The following FAM53B variants were observed in gnomAD, a reference collection of about 807,000 sequenced individuals.
FAM53B encodes the protein protein FAM53B.
A neutral mutation model predicts 32.7 loss-of-function variants in FAM53B; 12 were observed. The ratio of observed to expected loss-of-function variants is 0.37; its 90% CI spans 0.24 to 0.59. FAM53B has a LOEUF of 0.59. Ranked by LOEUF, FAM53B falls within the 20% of genes least tolerant of loss-of-function variation. FAM53B has a pLI of 0.72. For missense variants in FAM53B, 477 were observed against 577.7 expected, an observed-to-expected ratio of 0.83 and a Z score of 1.79; for synonymous variants, 234 against 228.7, an observed-to-expected ratio of 1.02 and a Z score of -0.21.
At chr10:124,663,484 G>T (rs1003631393) in intron 4 of FAM53B, among the ~76,000 whole-genome samples, 2 of 152,224 alleles carry the variant, frequency 1.3e-5, no homozygotes, top group African/African-American at 4.8e-5. Flanking sequence ...AGCCAGAGGA[G>T]GGCTGCCCAA....
intron 1 of FAM53B, among the ~76,000 whole-genome samples, chr10:124,725,875 G>A (rs919575323): frequency 2.0e-5 from 3 of 152,182 alleles, no homozygotes; most frequent in Non-Finnish European, 4.4e-5. Context: ...GAAAATGAAA[G>A]GAAAGACGAG....
chr10:124,650,251 C>T (rs1291360161), intron 4 of FAM53B, among the ~76,000 whole-genome samples: 5 of 152,190 alleles, frequency 3.3e-5, no homozygotes, highest in Non-Finnish European at 7.3e-5. Flanking sequence ...GACTCTCTAT[C>T]GGTTGGAGGA....
intron 1 of FAM53B, among the ~76,000 whole-genome samples, chr10:124,722,280 T>C (rs2134096536): frequency 6.6e-6 from 1 of 152,278 alleles, no homozygotes; most frequent in East Asian, 1.9e-4. Context: ...TGTTGCAACA[T>C]CACTATGTAC....
chr10:124,693,509 T>C (rs538939507), intron 3 of FAM53B, among the ~76,000 whole-genome samples: 4 of 149,372 alleles, frequency 2.7e-5, no homozygotes, highest in South Asian at 4.2e-4. Flanking sequence ...TCAGATGAAA[T>C]CTCGCTGCCT....
At chr10:124,726,882 C>T (rs1483555104) in intron 1 of FAM53B, among the ~76,000 whole-genome samples, 3 of 152,280 alleles carry the variant, frequency 2.0e-5, no homozygotes, top group South Asian at 4.1e-4. Flanking sequence ...AAGAAATTTC[C>T]GTCTAACACC....
chr10:124,708,119 A>G (rs1385833779), intron 1 of FAM53B: 4 of 152,260 alleles, frequency 2.6e-5, no homozygotes, highest in African/African-American at 7.2e-5. Context: ...AATAATCATG[A>G]TAACAGTATT....
At chr10:124,645,105 G>A (rs1176486118) in intron 4 of FAM53B, among the ~76,000 whole-genome samples, 8 of 152,200 alleles carry the variant, frequency 5.3e-5, no homozygotes, top group Admixed American at 5.2e-4. Context: ...AGGGCCCAGG[G>A]TACCTGTGGC....
At chr10:124,665,913 TAGTCGGCTACGTAG>T (rs1949669241) in intron 4 of FAM53B, among the ~76,000 whole-genome samples, 1 of 148,566 alleles carries the variant, frequency 6.7e-6, no homozygotes, top group African/African-American at 2.5e-5. Context: ...ACTCGGCTTA[TAGTCGGCTACGTAG>T]ACACAGCTGT....
At chr10:124,636,165 C>G (rs191253736) in intron 4 of FAM53B, among the ~76,000 whole-genome samples, 5 of 152,232 alleles carry the variant, frequency 3.3e-5, no homozygotes, top group Middle Eastern at 3.2e-3. Context: ...ATCCTATTCA[C>G]ATGATCGCTT....
Position 124,651,240 on chromosome 10 carries a change from G to A in FAM53B, c.907-27636C>T, listed in dbSNP as rs569740612. On this transcript the variant is annotated intron_variant, in intron 4 of 4. Transcript: ENST00000337318. The surrounding 1 kb of genome is among the most constrained non-coding windows in gnomAD (Gnocchi z 5.2). ...CCCTCAGACGCTCTGTTGTGGCCTT[G>A]CTGCTAGCCTTTTCCAGGAGCTGAG... Among the ~76,000 whole-genome samples the A allele has an allele frequency of 2.0e-5, 3 of 152,344 alleles. No individual in the cohort carries two copies. In the South Asian group the frequency reaches 6.2e-4, roughly 32 times the overall value.
chr10:124,637,660 G>C (rs984037420), intron 4 of FAM53B, among the ~76,000 whole-genome samples: 2 of 152,162 alleles, frequency 1.3e-5, no homozygotes, highest in Non-Finnish European at 2.9e-5. Flanking sequence ...AGAATAAAAA[G>C]CAAACACCTC....
chr10:124,696,780 T>C (rs1949875586), intron 2 of FAM53B, among the ~76,000 whole-genome samples: 1 of 152,182 alleles, frequency 6.6e-6, no homozygotes. Flanking sequence ...TGAGGCATTT[T>C]CTCTGAACTG....
At chr10:124,743,233 T>G (rs1228312061) in intron 1 of FAM53B, among the ~76,000 whole-genome samples, 1 of 152,192 alleles carries the variant, frequency 6.6e-6, no homozygotes, top group African/African-American at 2.4e-5. Flanking sequence ...CCTCGTTTCT[T>G]TCGTCTCTGC....
rs185782639 is a variant in FAM53B at position 124,712,928 on chromosome 10, A to G, written c.-174-6041T>C. ...GCAGGGGGCCCCTGCCCACCTCCCA[A>G]GTCCTCACCCCAAGAGTGCATCTGC... On this transcript the variant is annotated intron_variant, in intron 1 of 4. Coordinates refer to ENST00000337318, the MANE Select transcript of FAM53B (RefSeq NM_014661.4). Among the ~76,000 whole-genome samples the G allele has an allele frequency of 1.6e-3, 238 of 152,326 alleles. 3 individuals carry two copies. The highest frequency in any genetic ancestry group is 5.1e-3 in the African/African-American group (213 of 41,576).
intron 4 of FAM53B, among the ~76,000 whole-genome samples, chr10:124,680,668 C>A (rs959653981): frequency 2.0e-5 from 3 of 152,154 alleles, no homozygotes; most frequent in Non-Finnish European, 4.4e-5. Context: ...AAACCATCTT[C>A]GTCAACAAGA....
chr10:124,676,752 C>T (rs1165067144), intron 4 of FAM53B, among the ~76,000 whole-genome samples: 1 of 152,210 alleles, frequency 6.6e-6, no homozygotes, highest in Non-Finnish European at 1.5e-5. Context: ...CCACCCAGCT[C>T]TCCTGGACTC....
intron 1 of FAM53B, among the ~76,000 whole-genome samples, chr10:124,723,660 T>G (rs960292397): frequency 1.3e-5 from 2 of 152,304 alleles, no homozygotes; most frequent in African/African-American, 4.8e-5. Flanking sequence ...AGGAAGAGTC[T>G]TGCTGCAGTC....
intron 3 of FAM53B, among the ~76,000 whole-genome samples, chr10:124,685,394 G>A (rs914844748): frequency 1.3e-5 from 2 of 152,228 alleles, no homozygotes; most frequent in South Asian, 2.1e-4. Flanking sequence ...CCCACAGCCC[G>A]CCCTCTGCTG....
intron 4 of FAM53B, among the ~76,000 whole-genome samples, chr10:124,679,428 C>A (rs1949755084): frequency 6.6e-6 from 1 of 152,228 alleles, no homozygotes; most frequent in Non-Finnish European, 1.5e-5. Context: ...TTGATAAATA[C>A]ACAGGGATAC....
Sources: gnomAD v4.1 joint callset for allele counts (sites outside exome capture counted in the v4.1 genomes callset) on GRCh38, gnomAD v4.1.1 for gene constraint, Gnocchi (gnomAD v3.1) non-coding constraint, MANE v1.5 for transcripts, NCBI Gene and HGNC (gene_info 2026-07-23, HGNC 2026-07-21) for gene names.